Variants in SVEP1 observed in about 807,000 individuals in gnomAD.
SVEP1 encodes sushi, von Willebrand factor type A, EGF and pentraxin domain containing 1, also known as sushi, von Willebrand factor type A, EGF and pentraxin domain-containing protein 1.
A neutral mutation model predicts 367.3 loss-of-function variants in SVEP1; 164 were observed. The observed-to-expected ratio is 0.45, with a 90% CI of 0.39 to 0.51. SVEP1 has a LOEUF of 0.51. Ranked by LOEUF, SVEP1 falls within the 20% of genes least tolerant of loss-of-function variation. SVEP1 has a pLI of 0.00. For missense variants in SVEP1, 4,117 were observed against 4,425.3 expected (o/e 0.93, Z 1.98); for synonymous variants, 1,666 against 1,611.6 (o/e 1.03, Z -0.81).
At chr9:110,385,867 G>A (rs562495539) in intron 43 of SVEP1, 31 bp downstream of exon 43, 19 of 1,601,072 alleles carry the variant, frequency 1.2e-5, no homozygotes, top group African/African-American at 5.4e-5. Context: ...TCGCACTAGC[G>A]GCATGAACTG....
At chr9:110,527,387 ATTT>A (rs1829952829) in intron 3 of SVEP1, among the ~76,000 whole-genome samples, 1 of 152,002 alleles carries the variant, frequency 6.6e-6, no homozygotes, top group Non-Finnish European at 1.5e-5. Flanking sequence ...TTTTTAAAGG[ATTT>A]TTATTTTTTC....
chr9:110,379,753 T>A (rs2118951741), intron 43 of SVEP1, among the ~76,000 whole-genome samples: 1 of 152,338 alleles, frequency 6.6e-6, no homozygotes, highest in East Asian at 1.9e-4. Context: ...TGAGCCTGTT[T>A]TAAACCTAAG....
At position 110,432,556 on chromosome 9, in the gene SVEP1, G is replaced by A. The variant is rs563447479; in HGVS notation, c.5139C>T (p.Thr1713=). Residue 1713 remains threonine (T), a synonymous_variant, in exon 31 of 48, where the codon ACC becomes ACT. Transcript: ENST00000374469. ...ADDFYAGSTV[T]YQCNNGYYLL... ...GATAGTAGCCATTGTTGCACTGGTAGGTTACTGTGCTGCCAGCATAGAAGT... is the reference window on the plus strand; with the variant it reads ...GATAGTAGCCATTGTTGCACTGGTAAGTTACTGTGCTGCCAGCATAGAAGT... 1.2e-6 allele frequency: 2 copies of A among 1,613,924 alleles called. No homozygotes were observed. Among genetic ancestry groups the A allele is most frequent in the East Asian group, 2.2e-5 (1 of 44,880 alleles).
intron 47 of SVEP1, among the ~76,000 whole-genome samples, chr9:110,367,262 C>G (rs1396227393): frequency 6.6e-6 from 1 of 152,190 alleles, no homozygotes; most frequent in Non-Finnish European, 1.5e-5. Context: ...TGGGTTCAAG[C>G]AATCCTCCCA....
At chr9:110,387,491 G>C (rs772484487) in intron 41 of SVEP1, 33 bp from the exon 42 acceptor site, 21 of 1,549,534 alleles carry the variant, frequency 1.4e-5, no homozygotes, top group South Asian at 7.5e-5. Context: ...CATATTAATT[G>C]CTTCCCCAAT....
chr9:110,370,441 G>GTT (rs1827259300), intron 46 of SVEP1, among the ~76,000 whole-genome samples: 1 of 152,118 alleles, frequency 6.6e-6, no homozygotes, highest in South Asian at 2.1e-4. Context: ...CCTCGAGGGA[G>GTT]TTAGCATTGA....
intron 36 of SVEP1, among the ~76,000 whole-genome samples, chr9:110,427,176 T>C (rs894285873): frequency 6.6e-6 from 1 of 151,760 alleles, no homozygotes; most frequent in African/African-American, 2.4e-5. Flanking sequence ...CAGGCGCCTG[T>C]AGTCCCAGCT....
chr9:110,392,039 G>C (rs1827663052), intron 40 of SVEP1, among the ~76,000 whole-genome samples: 1 of 151,076 alleles, frequency 6.6e-6, no homozygotes, highest in Non-Finnish European at 1.5e-5. Flanking sequence ...CTTTGGACTT[G>C]GACTGAATTA....
chr9:110,488,541 AG>A (rs1829320304), intron 9 of SVEP1, among the ~76,000 whole-genome samples: 1 of 152,120 alleles, frequency 6.6e-6, no homozygotes, highest in African/African-American at 2.4e-5. Context: ...GGAAGGAAAA[AG>A]TTTTGGTAAC....
intron 43 of SVEP1, among the ~76,000 whole-genome samples, chr9:110,381,898 T>C (rs1051252509): frequency 1.3e-5 from 2 of 152,222 alleles, no homozygotes; most frequent in East Asian, 1.9e-4. Context: ...ATATTTAGGA[T>C]AGTTAGTTCT....
At chr9:110,519,806 G>A (rs188046993) in intron 3 of SVEP1, among the ~76,000 whole-genome samples, 104 of 152,302 alleles carry the variant, frequency 6.8e-4, no homozygotes, top group African/African-American at 2.5e-3. Flanking sequence ...TTGGAGTCAA[G>A]ACAACTGAGT....
intron 40 of SVEP1, among the ~76,000 whole-genome samples, chr9:110,399,325 T>C (rs908145851): frequency 6.8e-6 from 1 of 146,580 alleles, no homozygotes; most frequent in Non-Finnish European, 1.5e-5. Context: ...AAGGGGAACA[T>C]CACACACTGG....
intron 43 of SVEP1, among the ~76,000 whole-genome samples, chr9:110,380,022 T>C (rs1353154863): frequency 6.6e-6 from 1 of 152,228 alleles, no homozygotes; most frequent in Non-Finnish European, 1.5e-5. Context: ...GTCTCTAGTC[T>C]ATAGATGCTC....
At chr9:110,474,190 G>A (rs1829064701) in intron 14 of SVEP1, among the ~76,000 whole-genome samples, 1 of 152,028 alleles carries the variant, frequency 6.6e-6, no homozygotes, top group Admixed American at 6.6e-5. Context: ...AGTAGAGATG[G>A]GGTTTTACCA....
In SVEP1 at chr9:110,472,160, T is replaced by C. The variant is rs1181280635; in HGVS notation, c.2763A>G (p.Thr921=). The C allele has an allele frequency of 1.2e-6, 2 of 1,610,742 alleles. No individual in the cohort carries two copies. The highest frequency in any genetic ancestry group is 1.3e-5 in the African/African-American group (1 of 74,852). Residue 921 remains threonine (T), a splice_region_variant and synonymous_variant, in exon 15 of 48, where the codon ACA becomes ACG. Transcript: ENST00000374469. ...TTCAAATAGACAGTTTATCCTTACC[T>C]GTGATGTTAAAAATTAACTTAATTT... ...DYKIKLIFNI[T]ASVPLPDERN...
At chr9:110,541,382 T>C (rs1830142821) in intron 3 of SVEP1, among the ~76,000 whole-genome samples, 1 of 152,178 alleles carries the variant, frequency 6.6e-6, no homozygotes, top group Non-Finnish European at 1.5e-5. Flanking sequence ...TGCTTTTCAC[T>C]GGATACTCAT....
At chr9:110,504,709 G>T (rs1404514206) in intron 5 of SVEP1, among the ~76,000 whole-genome samples, 3 of 151,780 alleles carry the variant, frequency 2.0e-5, no homozygotes, top group Admixed American at 6.6e-5. Flanking sequence ...CCCAGCATTT[G>T]GGTCCTTGAT....
intron 3 of SVEP1, among the ~76,000 whole-genome samples, chr9:110,535,669 C>T (rs1487952639): frequency 3.3e-5 from 5 of 149,904 alleles, no homozygotes; most frequent in Non-Finnish European, 7.5e-5. Context: ...TTGTTTGTGT[C>T]ATCTCTGATT....
At position 110,502,296 on chromosome 9, in the gene SVEP1, C is replaced by T. The variant is rs145240253; in HGVS notation, c.1483+742G>A. On this transcript the variant is annotated intron_variant, in intron 6 of 47. Transcript: ENST00000374469. ...TTTTTAGTATTTTTAGTAGAGACAG[C>T]GTTTCACCATGTTAGCCAGGCTGGT... 1.3e-3 allele frequency among the ~76,000 whole-genome samples: 201 copies of T among 151,686 alleles called. 1 individual carries two copies. The highest frequency in any genetic ancestry group is 4.6e-3 in the African/African-American group (189 of 41,390).
Sources: gnomAD v4.1 joint callset for allele counts (sites outside exome capture counted in the v4.1 genomes callset) on GRCh38, gnomAD v4.1.1 for gene constraint, MANE v1.5 for transcripts, NCBI Gene and HGNC (gene_info 2026-07-23, HGNC 2026-07-21) for gene names.